The following ATP6V1F variants were observed in gnomAD, a reference collection of about 807,000 sequenced individuals.
ATP6V1F encodes V-type proton ATPase subunit F.
A neutral mutation model predicts 6.6 loss-of-function variants in ATP6V1F; 4 were observed. The observed-to-expected ratio is 0.60, with a 90% confidence interval of 0.30 to 1.38. The LOEUF is 1.38. Ranked by LOEUF, ATP6V1F falls within the 40% of genes most tolerant of loss-of-function variation. ATP6V1F has a pLI of 0.08. For synonymous variants in ATP6V1F, 68 were observed against 66.9 expected, an observed-to-expected ratio of 1.02 and a Z score of -0.08; for missense variants, 136 against 165.5, an observed-to-expected ratio of 0.82 and a Z score of 0.98.
Position 128,862,924 on chromosome 7 carries a change from T to A in ATP6V1F, c.20T>A (p.Leu7His), listed in dbSNP as rs368558184. 5 of 1,610,710 alleles carry A rather than the reference T, an allele frequency of 3.1e-6. No individual in the cohort carries two copies. Among genetic ancestry groups the A allele is most frequent in the Non-Finnish European group, 3.4e-6 (4 of 1,178,452 alleles). MAGRGK[L>H]IAVIGDEDTV... ...GCAGGGATGGCGGGGAGGGGTAAGC[T>A]CATCGCAGTGATCGGAGACGAGGAC... The change falls in exon 1 of 2, where the codon CTC (leucine) becomes CAC (histidine). Residue 7 changes from leucine (L) to histidine (H), a missense_variant. Physicochemically the swap from Leu to His is moderately conservative, Grantham distance 99. Coordinates refer to ENST00000249289, the MANE Select transcript of ATP6V1F (RefSeq NM_004231.4).
In ATP6V1F at chr7:128,865,292, CCAA is replaced by C. The variant is rs1374408301; in HGVS notation, c.159-80_159-78del. On this transcript the variant is annotated intron_variant, in intron 1 of 1. Coordinates refer to ENST00000249289, the MANE Select transcript of ATP6V1F (RefSeq NM_004231.4). This position sits in a 1 kb window ranked among gnomAD's most constrained non-coding sequence, Gnocchi z 4.4. The stretch of plus-strand genomic sequence containing the variant: ...TGCTCATTCCCCTCCACAGCCCAGC[CCAA>C]CAACTCGGAGAGGGCTGCCTGGGTA... 2 of 1,589,310 alleles carry C rather than the reference CCAA, an allele frequency of 1.3e-6. No individual in the cohort carries two copies. The highest frequency in any genetic ancestry group is 1.7e-5 in the Admixed American group (1 of 58,052).
chr7:128,864,626 G>T (rs117120475), intron 1 of ATP6V1F, among the ~76,000 whole-genome samples: 1,597 of 148,088 alleles, frequency 0.011, 16 homozygotes, highest in Middle Eastern at 0.017. Context: ...CTGAGACAGG[G>T]TCTCACTCCT....
In ATP6V1F at chr7:128,864,843, T is replaced by G. The variant is rs142800586; in HGVS notation, c.159-534T>G. ...AGATCCGCCACATCCAGCCATTTTT[T>G]TGTGTGTGTATATATAGATAGAGAG... is the stretch of plus-strand genomic sequence containing the variant. On this transcript the variant is annotated intron_variant, in intron 1 of 1. Transcript: ENST00000249289. The G allele has an allele frequency of 6.0e-4, 218 of 364,098 alleles. 1 individual carries two copies. Among genetic ancestry groups the G allele is most frequent in the African/African-American group, 3.7e-3 (175 of 47,508 alleles). 22.6% of individuals were successfully genotyped at this position (364,098 alleles called of 1,614,324 possible). A position where few individuals can be genotyped will look rare whatever the true frequency, so the allele number is the denominator to read the frequency against.
chr7:128,865,432 G>A lies in ATP6V1F; in HGVS notation c.214G>A (p.Glu72Lys), dbSNP rs1196568410. 2 of 1,614,094 alleles carry A rather than the reference G, an allele frequency of 1.2e-6. No homozygotes were observed. Among genetic ancestry groups the A allele is most frequent in the Non-Finnish European group, 1.7e-6 (2 of 1,180,050 alleles). ...GIILINQYIA[E>K]MVRHALDAHQ... ...CATCCTCATCAACCAGTACATCGCA[G>A]AGATGGTGCGGCATGCCCTGGACGC... Residue 72 changes from glutamate (E) to lysine (K), a missense_variant, in exon 2 of 2, where the codon GAG becomes AAG. Coordinates refer to ENST00000249289, the MANE Select transcript of ATP6V1F (RefSeq NM_004231.4). This position sits in a 1 kb window ranked among gnomAD's most constrained non-coding sequence, Gnocchi z 4.4.
Position 128,862,915 on chromosome 7 carries a change from G to T in ATP6V1F, c.11G>T (p.Arg4Met), listed in dbSNP as rs143547947. 8.3e-4 allele frequency: 1,334 copies of T among 1,604,738 alleles called. 2 individuals carry two copies. The highest frequency in any genetic ancestry group is 1.1e-3 in the Non-Finnish European group (1,298 of 1,175,798). The change falls in exon 1 of 2, where the codon AGG (arginine) becomes ATG (methionine). Residue 4 changes from arginine to methionine, a missense_variant. Transcript: ENST00000249289. MAG[R>M]GKLIAVIGDE... is the part of the protein sequence containing the mutation. ...TGCCCGGCTGCAGGGATGGCGGGGA[G>T]GGGTAAGCTCATCGCAGTGATCGGA...
intron 1 of ATP6V1F, among the ~76,000 whole-genome samples, chr7:128,864,312 C>T (rs1809335356): frequency 1.3e-5 from 2 of 152,152 alleles, no homozygotes; most frequent in African/African-American, 4.8e-5. Flanking sequence ...CACTGCACTC[C>T]AGCCTGGGTG....
intron 1 of ATP6V1F, chr7:128,864,926 C>T (rs1270007761): frequency 5.2e-6 from 3 of 580,452 alleles, no homozygotes; most frequent in Non-Finnish European, 9.4e-6. Flanking sequence ...TGGTCTCAAA[C>T]TCCTGGGTTC....
In ATP6V1F at chr7:128,865,034, T is replaced by C. The variant is rs1809358365; in HGVS notation, c.159-343T>C. 8.7e-6 allele frequency: 10 copies of C among 1,144,146 alleles called. No individual in the cohort carries two copies. The South Asian group carries it at 1.3e-4, about 15-fold the overall frequency. The allele number at this position is 1,144,146 out of a possible 1,614,324, so 70.9% of individuals were successfully genotyped here. A position where few individuals can be genotyped will look rare whatever the true frequency, so the allele number is the denominator to read the frequency against. ...ATCTGCACATAAAAAGGGATCTGCATACATATAATCTTATCCTTCCCCTTT... is the reference window on the plus strand; with the variant it reads ...ATCTGCACATAAAAAGGGATCTGCACACATATAATCTTATCCTTCCCCTTT... On this transcript the variant is annotated intron_variant, in intron 1 of 1. Coordinates refer to ENST00000249289, the MANE Select transcript of ATP6V1F (RefSeq NM_004231.4). This position sits in a 1 kb window ranked among gnomAD's most constrained non-coding sequence, Gnocchi z 4.4.
intron 1 of ATP6V1F, among the ~76,000 whole-genome samples, chr7:128,863,276 T>G (rs888928773): frequency 6.6e-6 from 1 of 152,014 alleles, no homozygotes; most frequent in Non-Finnish European, 1.5e-5. Flanking sequence ...CATGATCGTG[T>G]GTCATGAAAG....
chr7:128,865,082 A>G lies in ATP6V1F; in HGVS notation c.159-295A>G. On this transcript the variant is annotated intron_variant, in intron 1 of 1. Transcript: ENST00000249289. The surrounding 1 kb of genome is among the most constrained non-coding windows in gnomAD (Gnocchi z 4.4). ...TTTCTGACACATCACTGCATATTGA[A>G]TACACCAGTGTGCACCCTAATCAAT... 2 of 1,463,632 alleles carry G rather than the reference A, an allele frequency of 1.4e-6. No homozygotes were observed. Among genetic ancestry groups the G allele is most frequent in the African/African-American group, 1.4e-5 (1 of 71,630 alleles). The allele number at this position is 1,463,632 out of a possible 1,614,324, so 90.7% of individuals were successfully genotyped here. A position where few individuals can be genotyped will look rare whatever the true frequency, so the allele number is the denominator to read the frequency against.
At position 128,865,399 on chromosome 7, in the gene ATP6V1F, A is replaced by G. The variant is rs201841827; in HGVS notation, c.181A>G (p.Ile61Val). The change falls in exon 2 of 2, where the codon ATT becomes GTT. Residue 61 changes from isoleucine to valine, a missense_variant. Physicochemically the swap from Ile to Val is conservative, Grantham distance 29. Transcript: ENST00000249289. The surrounding 1 kb of genome is among the most constrained non-coding windows in gnomAD (Gnocchi z 4.4). The stretch of plus-strand genomic sequence containing the variant: ...CAGGCAATTTCTAAACCGGGATGAC[A>G]TTGGCATCATCCTCATCAACCAGTA... ...TFRQFLNRDD[I>V]GIILINQYIA... 187 of 1,614,138 alleles carry G rather than the reference A, an allele frequency of 1.2e-4. 1 individual carries two copies. Among genetic ancestry groups the G allele is most frequent in the Non-Finnish European group, 1.5e-4 (175 of 1,180,028 alleles).
chr7:128,862,998 C>G lies in ATP6V1F; in HGVS notation c.94C>G (p.Arg32Gly). 3 of 1,613,666 alleles carry G rather than the reference C, an allele frequency of 1.9e-6. No individual in the cohort carries two copies. The highest frequency in any genetic ancestry group is 2.5e-6 in the Non-Finnish European group (3 of 1,179,788). The change falls in exon 1 of 2, where the codon CGC becomes GGC. Residue 32 changes from arginine to glycine, a missense_variant. Arg to Gly is a moderately radical substitution (Grantham distance 125). Transcript: ENST00000249289. ...LGGIGELNKN[R>G]HPNFLVVEKD... ...CGGCATAGGGGAGCTTAACAAGAACCGCCATCCCAATTTCCTGGTGGTGGA... is the reference window on the plus strand; with the variant it reads ...CGGCATAGGGGAGCTTAACAAGAACGGCCATCCCAATTTCCTGGTGGTGGA...
In ATP6V1F at chr7:128,863,006, C is replaced by G. The variant is rs372574560; in HGVS notation, c.102C>G (p.Pro34=). The change falls in exon 1 of 2, where the codon CCC becomes CCG. Residue 34 remains proline, a synonymous_variant. Coordinates refer to ENST00000249289, the MANE Select transcript of ATP6V1F (RefSeq NM_004231.4). ...GGGAGCTTAACAAGAACCGCCATCCCAATTTCCTGGTGGTGGAGAAGGATA... is the reference window on the plus strand; with the variant it reads ...GGGAGCTTAACAAGAACCGCCATCCGAATTTCCTGGTGGTGGAGAAGGATA... ...GIGELNKNRH[P]NFLVVEKDTT... 2.9e-5 allele frequency: 46 copies of G among 1,613,442 alleles called. 1 individual carries two copies. The highest frequency in any genetic ancestry group is 1.6e-4 in the Middle Eastern group (1 of 6,080).
At chr7:128,864,215 G>A (rs527835886) in intron 1 of ATP6V1F, among the ~76,000 whole-genome samples, 5 of 152,220 alleles carry the variant, frequency 3.3e-5, no homozygotes, top group African/African-American at 9.6e-5. Flanking sequence ...GTGGTGGCGG[G>A]TGCCTGTAAT....
chr7:128,865,091 T>C lies in ATP6V1F; in HGVS notation c.159-286T>C. 6.6e-7 allele frequency: 1 copy of C among 1,506,366 alleles called. No individual in the cohort carries two copies. Among genetic ancestry groups the C allele is most frequent in the Non-Finnish European group, 8.9e-7 (1 of 1,119,642 alleles). The allele number at this position is 1,506,366 out of a possible 1,614,324, so 93.3% of individuals were successfully genotyped here. A position where few individuals can be genotyped will look rare whatever the true frequency, so the allele number is the denominator to read the frequency against. ...CATCACTGCATATTGAATACACCAG[T>C]GTGCACCCTAATCAATCTTCATTAC... On this transcript the variant is annotated intron_variant, in intron 1 of 1. Coordinates refer to ENST00000249289, the MANE Select transcript of ATP6V1F (RefSeq NM_004231.4). This position sits in a 1 kb window ranked among gnomAD's most constrained non-coding sequence, Gnocchi z 4.4.
chr7:128,865,078 T>A lies in ATP6V1F; in HGVS notation c.159-299T>A. 6.9e-7 allele frequency: 1 copy of A among 1,443,254 alleles called. No homozygotes were observed. The highest frequency in any genetic ancestry group is 9.4e-7 in the Non-Finnish European group (1 of 1,062,210). 89.4% of individuals were successfully genotyped at this position (1,443,254 alleles called of 1,614,324 possible). ...CCCCTTTCTGACACATCACTGCATA[T>A]TGAATACACCAGTGTGCACCCTAAT... On this transcript the variant is annotated intron_variant, in intron 1 of 1. Coordinates refer to ENST00000249289, the MANE Select transcript of ATP6V1F (RefSeq NM_004231.4). This position sits in a 1 kb window ranked among gnomAD's most constrained non-coding sequence, Gnocchi z 4.4.
In ATP6V1F at chr7:128,862,891, G is replaced by GC; in HGVS notation, c.-11dup. Reference sequence around the variant, plus strand: ...CTTCTGGTGCTCTAGGGTGAGCTCTGCCCGGCTGCAGGGATGGCGGGGAGG... The same window carrying GC: ...CTTCTGGTGCTCTAGGGTGAGCTCTGCCCCGGCTGCAGGGATGGCGGGGAGG... On this transcript the variant is annotated 5_prime_UTR_variant, in exon 1 of 2. Transcript: ENST00000249289. 2 of 1,581,288 alleles carry GC rather than the reference G, an allele frequency of 1.3e-6. No homozygotes were observed. The highest frequency in any genetic ancestry group is 2.3e-5 in the South Asian group (2 of 87,180).
chr7:128,865,688 C>T lies in ATP6V1F; in HGVS notation c.*110C>T. On this transcript the variant is annotated 3_prime_UTR_variant, in exon 2 of 2. Transcript: ENST00000249289. The surrounding 1 kb of genome is among the most constrained non-coding windows in gnomAD (Gnocchi z 4.4). ...CTGATTTCCAATTCCCTGCTCCTTC[C>T]CACTCCATTAAGAGGCTAGGTGAGG... The T allele has an allele frequency of 8.1e-7, 1 of 1,235,576 alleles. No homozygotes were observed. The highest frequency in any genetic ancestry group is 1.1e-6 in the Non-Finnish European group (1 of 898,264). The allele number at this position is 1,235,576 out of a possible 1,614,324, so 76.5% of individuals were successfully genotyped here.
rs200874610 is a variant in ATP6V1F at position 128,865,519 on chromosome 7, G to A, written c.301G>A (p.Ala101Thr). ...IPSKEHPYDA[A>T]KDSILRRARG... ...CTCCAAGGAGCACCCATATGACGCCGCCAAGGACTCCATCCTGCGCAGGGC... is the reference window on the plus strand; with the variant it reads ...CTCCAAGGAGCACCCATATGACGCCACCAAGGACTCCATCCTGCGCAGGGC... The change falls in exon 2 of 2, where the codon GCC becomes ACC. Residue 101 changes from alanine (A) to threonine (T), a missense_variant. Physicochemically the swap from Ala to Thr is moderately conservative, Grantham distance 58 (BLOSUM62 0). Transcript: ENST00000249289. The surrounding 1 kb of genome is among the most constrained non-coding windows in gnomAD (Gnocchi z 4.4). 9.9e-5 allele frequency: 159 copies of A among 1,614,072 alleles called. No homozygotes were observed. The East Asian group carries it at 2.3e-3, about 23-fold the overall frequency.
Sources: gnomAD v4.1 joint callset for allele counts (sites outside exome capture counted in the v4.1 genomes callset) on GRCh38, gnomAD v4.1.1 for gene constraint, Gnocchi (gnomAD v3.1) non-coding constraint, MANE v1.5 for transcripts, NCBI Gene and HGNC (gene_info 2026-07-23, HGNC 2026-07-21) for gene names.